The following PCDHA4 variants were observed in gnomAD, a reference collection of about 807,000 sequenced individuals.
PCDHA4 encodes the protein protocadherin alpha-4.
Under a neutral mutation model 61.4 loss-of-function variants are expected in PCDHA4, and 49 were observed. That is an observed-to-expected ratio of 0.80 (90% confidence interval 0.63 to 1.01). PCDHA4 has a LOEUF of 1.01. Ranked by LOEUF, PCDHA4 falls within the 50% of genes least tolerant of loss-of-function variation. The pLI is 0.00. For missense variants in PCDHA4, 1,254 were observed against 1,235.8 expected, an observed-to-expected ratio of 1.01 and a Z score of -0.22; for synonymous variants, 590 against 550.3, an observed-to-expected ratio of 1.07 and a Z score of -1.01.
intron 1 of PCDHA4, among the ~76,000 whole-genome samples, chr5:140,905,327 TG>T (rs2071747762): frequency 6.6e-6 from 1 of 152,202 alleles, no homozygotes; most frequent in Non-Finnish European, 1.5e-5. Context: ...TATGCTTTGT[TG>T]AAGATCAGTT....
chr5:141,010,506 C>A lies in PCDHA4; in HGVS notation c.*569C>A. ...CTTAAAGGGACCAGACTTTCTAAAT[C>A]TTACAACTCAAGAGGTGGCAGCCAC... is the stretch of plus-strand genomic sequence containing the variant. On this transcript the variant is annotated 3_prime_UTR_variant, in exon 4 of 4. Transcript: ENST00000530339. 1 of 549,534 alleles carries A rather than the reference C, an allele frequency of 1.8e-6. No homozygotes were observed. The highest frequency in any genetic ancestry group is 2.9e-6 in the Non-Finnish European group (1 of 344,162). 34.0% of individuals were successfully genotyped at this position (549,534 alleles called of 1,614,324 possible). A position where few individuals can be genotyped will look rare whatever the true frequency, so the allele number is the denominator to read the frequency against.
intron 1 of PCDHA4, among the ~76,000 whole-genome samples, chr5:140,891,620 C>T (rs1194351903): frequency 6.6e-6 from 1 of 152,122 alleles, no homozygotes; most frequent in African/African-American, 2.4e-5. Flanking sequence ...TTTATTTTAA[C>T]ACCTTTTGCT....
intron 1 of PCDHA4, chr5:140,842,977 G>C: frequency 6.3e-7 from 1 of 1,595,034 alleles, no homozygotes; most frequent in Non-Finnish European, 8.6e-7. Context: ...TGACGCTGCA[G>C]GTGTTCGTGC....
chr5:140,842,222 G>A (rs1777807654), intron 1 of PCDHA4: 1 of 1,613,082 alleles, frequency 6.2e-7, no homozygotes, highest in Non-Finnish European at 8.5e-7. Context: ...AAATACGGGA[G>A]AAATAGTGAT....
chr5:140,922,176 CA>C (rs3836750), intron 1 of PCDHA4, among the ~76,000 whole-genome samples: 49,174 of 150,706 alleles, frequency 0.33, 8,259 homozygotes, highest in East Asian at 0.53. Context: ...GTACAGCAGA[CA>C]AAAAAAAAGT....
intron 1 of PCDHA4, among the ~76,000 whole-genome samples, chr5:140,895,742 G>T (rs2065139471): frequency 6.6e-6 from 1 of 152,110 alleles, no homozygotes; most frequent in South Asian, 2.1e-4. Context: ...GGGCTGCAAA[G>T]GGCATGATCT....
intron 1 of PCDHA4, chr5:140,883,813 C>CA (rs2059834466): frequency 6.2e-7 from 1 of 1,612,382 alleles, no homozygotes; most frequent in Non-Finnish European, 8.5e-7. Context: ...CGGAGAGCGG[C>CA]AAGGTGTACG....
intron 1 of PCDHA4, chr5:140,926,758 G>C: frequency 2.3e-6 from 3 of 1,302,056 alleles, no homozygotes; most frequent in Non-Finnish European, 3.0e-6. Flanking sequence ...CGGTCGCTGA[G>C]TATCCAGCCC....
In PCDHA4 at chr5:140,870,510, A is replaced by G. The variant is rs185967358; in HGVS notation, c.2385+60938A>G. On this transcript the variant is annotated intron_variant, in intron 1 of 3. Transcript: ENST00000530339. ...TGTTCGTGAAGGAGAACAACCCACCAGGCTGCCACATCTTCACAGTGTCGG... is the reference window on the plus strand; with the variant it reads ...TGTTCGTGAAGGAGAACAACCCACCGGGCTGCCACATCTTCACAGTGTCGG... 4.8e-3 allele frequency: 7,668 copies of G among 1,614,220 alleles called. 19 individuals carry two copies. The highest frequency in any genetic ancestry group is 5.8e-3 in the Non-Finnish European group (6,886 of 1,180,042).
At chr5:140,988,169 A>G (rs1384072642) in intron 3 of PCDHA4, among the ~76,000 whole-genome samples, 3 of 152,128 alleles carry the variant, frequency 2.0e-5, no homozygotes. Flanking sequence ...TGTCATAGCA[A>G]TGACAGTCCT....
intron 1 of PCDHA4, chr5:140,875,535 T>C (rs1554167741): frequency 3.1e-6 from 5 of 1,614,134 alleles, no homozygotes; most frequent in Admixed American, 3.3e-5. Context: ...TTCTGCTCCT[T>C]GCAGCCTGGG....
At chr5:140,884,758 C>T in intron 1 of PCDHA4, 2 of 1,424,736 alleles carry the variant, frequency 1.4e-6, no homozygotes, top group Middle Eastern at 4.1e-4. Flanking sequence ...TCAAATTATT[C>T]TTTACTTTAA....
chr5:140,823,517 C>G (rs1164371267), intron 1 of PCDHA4: 14 of 1,613,476 alleles, frequency 8.7e-6, no homozygotes, highest in South Asian at 1.1e-5. Flanking sequence ...GAGCTGGTGC[C>G]GAGGTCAGTG....
At chr5:140,888,260 A>G (rs563968634) in intron 1 of PCDHA4, among the ~76,000 whole-genome samples, 1 of 152,194 alleles carries the variant, frequency 6.6e-6, no homozygotes, top group South Asian at 2.1e-4. Flanking sequence ...GTAGTTCTTG[A>G]TAAGAAACAG....
intron 3 of PCDHA4, among the ~76,000 whole-genome samples, chr5:140,997,635 A>C (rs1317325954): frequency 6.6e-6 from 1 of 151,942 alleles, no homozygotes; most frequent in Non-Finnish European, 1.5e-5. Context: ...CAAAAAGCAA[A>C]ATGGGATAAT....
rs2096504149 is a variant in PCDHA4 at position 140,971,885 on chromosome 5, T to G, written c.2386-7064T>G. Among the ~76,000 whole-genome samples the G allele has an allele frequency of 2.0e-5, 3 of 152,134 alleles. No individual in the cohort carries two copies. In the South Asian group the frequency reaches 6.2e-4, roughly 31 times the overall value. ...ACATCTAGCATATGAGGAAATAAGC[T>G]CAGGGAGGTTAGGTAATCTACACAG... On this transcript the variant is annotated intron_variant, in intron 1 of 3. Coordinates refer to ENST00000530339, the MANE Select transcript of PCDHA4 (RefSeq NM_018907.4).
chr5:140,823,834 G>A (rs1197490910), intron 1 of PCDHA4: 1 of 1,613,838 alleles, frequency 6.2e-7, no homozygotes, highest in Non-Finnish European at 8.5e-7. Context: ...GGGCGCTGTG[G>A]GTCCCGAGGC....
chr5:140,877,684 A>T, intron 1 of PCDHA4: 1 of 1,613,768 alleles, frequency 6.2e-7, no homozygotes, highest in Non-Finnish European at 8.5e-7. Context: ...GGGCAAGCCC[A>T]CGCTGGTGTG....
intron 1 of PCDHA4, among the ~76,000 whole-genome samples, chr5:140,899,116 T>C (rs563698448): frequency 6.6e-6 from 1 of 152,246 alleles, no homozygotes; most frequent in South Asian, 2.1e-4. Flanking sequence ...TTTCTAGATA[T>C]ACAATCATGT....
Sources: allele counts gnomAD v4.1 joint callset (sites outside exome capture counted in the v4.1 genomes callset), GRCh38; gene constraint gnomAD v4.1.1; transcripts MANE v1.5; gene names NCBI Gene and HGNC (gene_info 2026-07-23, HGNC 2026-07-21).